The following VEZT variants were observed in gnomAD, a reference collection of about 807,000 sequenced individuals.
The protein encoded by VEZT is vezatin.
VEZT carries 39 observed loss-of-function variants against 79.9 expected under a neutral mutation model. That is an observed-to-expected ratio of 0.49 (90% CI 0.38 to 0.64). The LOEUF (loss-of-function observed/expected upper bound fraction) is 0.64. Ranked by LOEUF, VEZT falls within the 30% of genes least tolerant of loss-of-function variation. The pLI is 0.00. For synonymous variants in VEZT, 325 were observed against 327.6 expected, an observed-to-expected ratio of 0.99 and a Z score of 0.09; for missense variants, 837 against 893.1, an observed-to-expected ratio of 0.94 and a Z score of 0.80.
chr12:95,219,587 C>CT (rs1242087268), intron 1 of VEZT, among the ~76,000 whole-genome samples: 1 of 152,002 alleles, frequency 6.6e-6, no homozygotes, highest in Non-Finnish European at 1.5e-5. Context: ...ATAATATAAC[C>CT]TTTTTTTAAA....
At chr12:95,224,504 C>A (rs1310180663) in intron 1 of VEZT, among the ~76,000 whole-genome samples, 1 of 152,048 alleles carries the variant, frequency 6.6e-6, no homozygotes, top group African/African-American at 2.4e-5. Flanking sequence ...TCACGGGATT[C>A]TTCTTGGGAA....
Position 95,296,116 on chromosome 12 carries a change from C to T in VEZT, c.1689C>T (p.Tyr563=), listed in dbSNP as rs1205114236. The T allele has an allele frequency of 1.3e-6, 2 of 1,561,664 alleles. No individual in the cohort carries two copies. The highest frequency in any genetic ancestry group is 1.2e-5 in the South Asian group (1 of 84,652). Residue 563 remains tyrosine, a synonymous_variant, in exon 11 of 12, where the codon TAC becomes TAT. Coordinates refer to ENST00000436874, the MANE Select transcript of VEZT (RefSeq NM_017599.4). ...ATTTCAGAAAGGATGATTTTTATTA[C>T]TTGTCTCAAGAAGACAAAGAGAGAC... ...DSDFRKDDFY[Y]LSQEDKERQK...
chr12:95,289,089 A>AATAAAT (rs2071837335), intron 9 of VEZT, among the ~76,000 whole-genome samples: 21 of 101,692 alleles, frequency 2.1e-4, no homozygotes, highest in African/African-American at 5.8e-4. Flanking sequence ...CTCAAAAAAA[A>AATAAAT]AAATAAATAA....
In VEZT at chr12:95,235,161, C is replaced by T. The variant is rs1466436143; in HGVS notation, c.37-16779C>T. Among the ~76,000 whole-genome samples, 10 of 151,952 alleles carry T rather than the reference C, an allele frequency of 6.6e-5. No individual in the cohort carries two copies. In the South Asian group the frequency reaches 1.0e-3, roughly 16 times the overall value. ...CATTGTCATCATGGCCCGTTCTCAA[C>T]GAGCTGTTGGGTACACCTCCCAGAC... On this transcript the variant is annotated intron_variant, in intron 1 of 11. Transcript: ENST00000436874.
chr12:95,238,111 G>A (rs1184467456), intron 1 of VEZT, among the ~76,000 whole-genome samples: 2 of 152,132 alleles, frequency 1.3e-5, no homozygotes, highest in Non-Finnish European at 2.9e-5. Context: ...GAACTTGAGA[G>A]AGGTTGTTTC....
chr12:95,282,533 A>C lies in VEZT; in HGVS notation c.1217A>C (p.His406Pro). 1 of 1,614,036 alleles carries C rather than the reference A, an allele frequency of 6.2e-7. No individual in the cohort carries two copies. Among genetic ancestry groups the C allele is most frequent in the Admixed American group, 1.7e-5 (1 of 60,026 alleles). Residue 406 changes from histidine (H) to proline (P), a missense_variant, in exon 8 of 12, where the codon CAC (histidine) becomes CCC (proline). Coordinates refer to ENST00000436874, the MANE Select transcript of VEZT (RefSeq NM_017599.4). ...TTCTATCGGTACTTTGAAACTCAGC[A>C]CCAGTCAGTACCGCAGTGTTTATCC... ...YEFYRYFETQHQSVPQCLSKT... is the reference protein window; with the variant it reads ...YEFYRYFETQPQSVPQCLSKT...
At chr12:95,289,087 A>AAAAAAAT (rs1555292083) in intron 9 of VEZT, among the ~76,000 whole-genome samples, 2 of 141,218 alleles carry the variant, frequency 1.4e-5, no homozygotes, top group African/African-American at 5.6e-5. Flanking sequence ...GTCTCAAAAA[A>AAAAAAAT]AAAAATAAAT....
intron 3 of VEZT, 132 bp downstream of exon 3, chr12:95,257,371 G>T (rs1228931899): frequency 2.8e-6 from 2 of 701,928 alleles, no homozygotes; most frequent in East Asian, 5.5e-5. Flanking sequence ...AGTAACTCAG[G>T]ATCTTTTAAT....
In VEZT at chr12:95,266,276, AT is replaced by A. The variant is rs1156722570; in HGVS notation, c.435-77del. 5.6e-6 allele frequency: 8 copies of A among 1,433,616 alleles called. No homozygotes were observed. In the African/African-American group the frequency reaches 1.1e-4, roughly 20 times the overall value. 88.8% of individuals were successfully genotyped at this position (1,433,616 alleles called of 1,614,324 possible). A position where few individuals can be genotyped will look rare whatever the true frequency, so the allele number is the denominator to read the frequency against. On this transcript the variant is annotated intron_variant, in intron 4 of 11. Transcript: ENST00000436874. ...ATTTATTTAGTAAACCTAAATTTAA[AT>A]TTTGTTTTTACTGATTAAAGTAATT...
chr12:95,294,437 C>A, intron 10 of VEZT, 65 bp downstream of exon 10: 2 of 1,251,632 alleles, frequency 1.6e-6, no homozygotes, highest in Non-Finnish European at 2.3e-6. Flanking sequence ...TTCAAAATTA[C>A]AACATAATAT....
chr12:95,235,314 G>A (rs2059910307), intron 1 of VEZT, among the ~76,000 whole-genome samples: 1 of 140,992 alleles, frequency 7.1e-6, no homozygotes, highest in Non-Finnish European at 1.6e-5. Context: ...CCTCCCGGAC[G>A]GGGCGGCTGG....
At chr12:95,290,284 C>T (rs573520092) in intron 9 of VEZT, among the ~76,000 whole-genome samples, 81 of 152,134 alleles carry the variant, frequency 5.3e-4, no homozygotes, top group African/African-American at 1.9e-3. Flanking sequence ...ATGCATATAC[C>T]ATATGACCCA....
intron 8 of VEZT, chr12:95,286,897 G>T: frequency 3.9e-6 from 1 of 259,486 alleles, no homozygotes; most frequent in South Asian, 4.9e-5. Flanking sequence ...CTGGGTCATG[G>T]GTCTGTGGTG....
intron 8 of VEZT, among the ~76,000 whole-genome samples, chr12:95,284,003 T>C (rs1218279447): frequency 6.6e-6 from 1 of 152,210 alleles, no homozygotes; most frequent in African/African-American, 2.4e-5. Context: ...ATCAGAAATA[T>C]ACGGCGCATA....
chr12:95,238,088 T>C (rs1248771600), intron 1 of VEZT, among the ~76,000 whole-genome samples: 1 of 152,220 alleles, frequency 6.6e-6, no homozygotes, highest in Non-Finnish European at 1.5e-5. Flanking sequence ...ATATATCATA[T>C]GATACATATG....
chr12:95,281,367 A>C (rs554034159), intron 7 of VEZT, among the ~76,000 whole-genome samples: 5 of 152,150 alleles, frequency 3.3e-5, no homozygotes, highest in Non-Finnish European at 7.3e-5. Context: ...GTTTCCCGCT[A>C]CTCAGGAGGC....
intron 7 of VEZT, 82 bp from the exon 8 acceptor site, chr12:95,282,231 T>A: frequency 7.7e-7 from 1 of 1,296,116 alleles, no homozygotes; most frequent in East Asian, 2.5e-5. Context: ...AAACCAGAAG[T>A]TAAGATAAAC....
chr12:95,230,522 A>T (rs1339881122), intron 1 of VEZT, among the ~76,000 whole-genome samples: 1 of 148,520 alleles, frequency 6.7e-6, no homozygotes, highest in East Asian at 2.0e-4. Context: ...GGCTCCAGCT[A>T]TCCTCTCCTC....
intron 1 of VEZT, among the ~76,000 whole-genome samples, chr12:95,251,590 C>G (rs2062616798): frequency 6.6e-6 from 1 of 152,008 alleles, no homozygotes; most frequent in Non-Finnish European, 1.5e-5. Flanking sequence ...TTATCTATAA[C>G]ATTGGCTATT....
Sources: gnomAD v4.1 joint callset for allele counts (sites outside exome capture counted in the v4.1 genomes callset) on GRCh38, gnomAD v4.1.1 for gene constraint, MANE v1.5 for transcripts, NCBI Gene and HGNC (gene_info 2026-07-23, HGNC 2026-07-21) for gene names.